RNF220: variants seen among roughly 807,000 people sequenced by gnomAD.
RNF220 encodes ring finger protein 220.
Under a neutral mutation model 67.1 loss-of-function variants are expected in RNF220, and 7 were observed. That is an observed-to-expected ratio of 0.10 (90% CI 0.06 to 0.20). The LOEUF (loss-of-function observed/expected upper bound fraction) is 0.20, where lower values mean the gene tolerates loss of function less well. RNF220 is among the 10% of genes least tolerant of loss of function. The probability of loss-of-function intolerance (pLI) is 1.00; values close to 1 mark genes in which losing one functional copy is unlikely to be tolerated. For missense variants in RNF220, 565 were observed against 740.3 expected (o/e 0.76, Z 2.75); for synonymous variants, 270 against 283.2 (o/e 0.95, Z 0.47).
intron 2 of RNF220, among the ~76,000 whole-genome samples, chr1:44,549,244 A>G (rs1028500743): frequency 6.6e-6 from 1 of 152,232 alleles, no homozygotes; most frequent in Non-Finnish European, 1.5e-5. Flanking sequence ...CAATGTTGAT[A>G]TACAAGGCCA....
At chr1:44,570,648 C>CTT (rs1208798905) in intron 2 of RNF220, among the ~76,000 whole-genome samples, 2 of 152,198 alleles carry the variant, frequency 1.3e-5, no homozygotes, top group African/African-American at 2.4e-5. Flanking sequence ...GGCATCCAGA[C>CTT]TTCTCCCTCC....
intron 2 of RNF220, among the ~76,000 whole-genome samples, chr1:44,499,459 T>A (rs981959235): frequency 3.3e-5 from 5 of 152,140 alleles, no homozygotes; most frequent in Non-Finnish European, 5.9e-5. Flanking sequence ...ATACTCAATC[T>A]GTCACTCCCG....
chr1:44,646,564 G>A (rs1189098691), intron 12 of RNF220, among the ~76,000 whole-genome samples: 5 of 152,244 alleles, frequency 3.3e-5, no homozygotes, highest in East Asian at 1.9e-4. Flanking sequence ...TGAGCAGGGC[G>A]GGCGGGGTTG....
rs376494436 is a variant in RNF220, at chr1:44,411,392, G to A, written c.-117-589G>A. Among the ~76,000 whole-genome samples the A allele has an allele frequency of 5.4e-3, 722 of 134,592 alleles. 7 individuals are homozygous for A. Among genetic ancestry groups the A allele is most frequent in the African/African-American group, 0.018 (675 of 37,488 alleles). The allele number at this position is 134,592 out of a possible 152,430, so 88.3% of individuals were successfully genotyped here. On this transcript the variant is annotated intron_variant, in intron 1 of 14. Transcript: ENST00000361799. ...ACAGTCTTAGATGATACATGAAGAT[G>A]TGTGTGTGTGTGTATATGCCAATGT...
Position 44,417,470 on chromosome 1 carries a change from C to T in RNF220, c.625+4748C>T, listed in dbSNP as rs939624242. Reference sequence around the variant, plus strand: ...TGGCCTGGCTTGGCTTGGCTCGGCGCGCCGCTCGCCTGGCGGCTGGGCTCG... The same window carrying T: ...TGGCCTGGCTTGGCTTGGCTCGGCGTGCCGCTCGCCTGGCGGCTGGGCTCG... On this transcript the variant is annotated intron_variant, in intron 2 of 14. Transcript: ENST00000361799. The surrounding 1 kb of genome is among the most constrained non-coding windows in gnomAD (Gnocchi z 4.0). 6.6e-6 allele frequency among the ~76,000 whole-genome samples: 1 copy of T among 152,190 alleles called. No homozygotes were observed. Among genetic ancestry groups the T allele is most frequent in the Non-Finnish European group, 1.5e-5 (1 of 68,036 alleles).
chr1:44,449,420 A>G (rs1294948182), intron 2 of RNF220, among the ~76,000 whole-genome samples: 1 of 151,904 alleles, frequency 6.6e-6, no homozygotes, highest in Non-Finnish European at 1.5e-5. Flanking sequence ...CAAAAACTGT[A>G]TATTCTACCT....
At chr1:44,481,590 A>G (rs1293755699) in intron 2 of RNF220, among the ~76,000 whole-genome samples, 1 of 152,132 alleles carries the variant, frequency 6.6e-6, no homozygotes, top group African/African-American at 2.4e-5. Flanking sequence ...AGGAGCAGAA[A>G]CCACCATGGC....
At chr1:44,534,531 A>G (rs1267398601) in intron 2 of RNF220, among the ~76,000 whole-genome samples, 3 of 152,140 alleles carry the variant, frequency 2.0e-5, no homozygotes, top group Non-Finnish European at 4.4e-5. Flanking sequence ...AATACCAAAT[A>G]TCACTTCTTC....
chr1:44,434,934 G>T (rs1650805871), intron 2 of RNF220, among the ~76,000 whole-genome samples: 1 of 151,814 alleles, frequency 6.6e-6, no homozygotes, highest in African/African-American at 2.4e-5. Flanking sequence ...GGCTGAGTGG[G>T]GAGGATCGCT....
intron 2 of RNF220, among the ~76,000 whole-genome samples, chr1:44,546,724 C>A (rs370315563): frequency 7.2e-5 from 11 of 152,278 alleles, no homozygotes; most frequent in African/African-American, 2.6e-4. Context: ...ACTCCTGACC[C>A]CTCGCTGGCA....
intron 2 of RNF220, among the ~76,000 whole-genome samples, chr1:44,464,253 G>A (rs1004368167): frequency 1.3e-5 from 2 of 152,174 alleles, no homozygotes; most frequent in Non-Finnish European, 1.5e-5. Context: ...CTAGGCTGAG[G>A]TCAGATGGGC....
chr1:44,438,296 A>T (rs747966289), intron 2 of RNF220, among the ~76,000 whole-genome samples: 231 of 151,942 alleles, frequency 1.5e-3, no homozygotes, highest in Admixed American at 2.4e-3. Flanking sequence ...AATTAAAAAA[A>T]TTTTTTTGTA....
rs1644295202 is a variant in RNF220, at chr1:44,635,387, A to G, written c.950-158A>G. The G allele has an allele frequency of 3.4e-6, 4 of 1,159,774 alleles. No homozygotes were observed. In the South Asian group the frequency reaches 6.7e-5, roughly 19 times the overall value. 71.8% of individuals were successfully genotyped at this position (1,159,774 alleles called of 1,614,324 possible). On this transcript the variant is annotated intron_variant, in intron 6 of 14. Transcript: ENST00000361799. ...TGCTCTTGGCAAAGCCCAGTCCCCA[A>G]AGGAGCAGGAGGTATTTCAAGATGA... is the stretch of plus-strand genomic sequence containing the variant.
intron 2 of RNF220, among the ~76,000 whole-genome samples, chr1:44,470,425 T>A (rs1654700698): frequency 6.6e-6 from 1 of 152,198 alleles, no homozygotes; most frequent in Admixed American, 6.5e-5. Context: ...GTCTACTAAG[T>A]AGCTAGTAGT....
At chr1:44,638,544 C>T (rs1327894593) in intron 8 of RNF220, 4 of 152,276 alleles carry the variant, frequency 2.6e-5, no homozygotes, top group Non-Finnish European at 4.4e-5. Context: ...CATCCCTCCT[C>T]CCAGAGTAGG....
chr1:44,632,398 C>G lies in RNF220; in HGVS notation c.949+13C>G. ...ACCCGACTGAATGGTGAGTCCTGCCCGGCCCCTCCCTCCGCCCCACCCCCG... is the reference window on the plus strand; with the variant it reads ...ACCCGACTGAATGGTGAGTCCTGCCGGGCCCCTCCCTCCGCCCCACCCCCG... On this transcript the variant is annotated intron_variant, in intron 6 of 14. Coordinates refer to ENST00000361799, the MANE Select transcript of RNF220 (RefSeq NM_018150.4). 1 of 1,609,852 alleles carries G rather than the reference C, an allele frequency of 6.2e-7. No homozygotes were observed. The highest frequency in any genetic ancestry group is 8.5e-7 in the Non-Finnish European group (1 of 1,178,524).
chr1:44,545,855 C>G (rs907288005), intron 2 of RNF220, among the ~76,000 whole-genome samples: 1 of 151,568 alleles, frequency 6.6e-6, no homozygotes, highest in Non-Finnish European at 1.5e-5. Flanking sequence ...CTCCTGGGTT[C>G]AAGCAATTCT....
At chr1:44,441,575 A>G (rs977179947) in intron 2 of RNF220, among the ~76,000 whole-genome samples, 2 of 152,236 alleles carry the variant, frequency 1.3e-5, no homozygotes, top group Non-Finnish European at 2.9e-5. Flanking sequence ...AGAAGAGAAC[A>G]TTTTAAATGG....
rs1644768693 is a variant in RNF220 at position 44,650,680 on chromosome 1, G to A, written c.1630-24G>A. The A allele has an allele frequency of 1.9e-6, 3 of 1,613,264 alleles. No homozygotes were observed. The highest frequency in any genetic ancestry group is 1.3e-5 in the African/African-American group (1 of 74,974). On this transcript the variant is annotated intron_variant, in intron 14 of 14. Transcript: ENST00000361799. This position sits in a 1 kb window ranked among gnomAD's most constrained non-coding sequence, Gnocchi z 4.3. ...CACACATGGCTCATTGTGTAGACCA[G>A]AGCCCTCCCTGTTCTCCCTGCAGGG...
Sources: gnomAD v4.1 joint callset for allele counts (sites outside exome capture counted in the v4.1 genomes callset) on GRCh38, gnomAD v4.1.1 for gene constraint, Gnocchi (gnomAD v3.1) non-coding constraint, MANE v1.5 for transcripts, NCBI Gene and HGNC (gene_info 2026-07-23, HGNC 2026-07-21) for gene names.